Variants in SMG6 observed in about 807,000 individuals in gnomAD.
SMG6 encodes the protein SMG6 nonsense mediated mRNA decay factor.
SMG6 carries 66 observed loss-of-function variants against 142.2 expected under a neutral mutation model. That is an observed-to-expected ratio of 0.46 (90% CI 0.38 to 0.57). The LOEUF is 0.57. Ranked by LOEUF, SMG6 falls within the 20% of genes least tolerant of loss-of-function variation. SMG6 has a pLI of 0.00. For synonymous variants in SMG6, 779 were observed against 702.4 expected, an observed-to-expected ratio of 1.11 and a Z score of -1.72; for missense variants, 1,793 against 1,832.0, an observed-to-expected ratio of 0.98 and a Z score of 0.39.
chr17:2,150,954 T>C (rs986342777), intron 13 of SMG6, among the ~76,000 whole-genome samples: 1 of 151,960 alleles, frequency 6.6e-6, no homozygotes, highest in Non-Finnish European at 1.5e-5. Context: ...ATCTGTTTCC[T>C]ATGGCGTGCT....
chr17:2,240,785 G>A (rs2073781718), intron 9 of SMG6, among the ~76,000 whole-genome samples: 1 of 152,256 alleles, frequency 6.6e-6, no homozygotes, highest in Non-Finnish European at 1.5e-5. Flanking sequence ...GACCATGCCT[G>A]GAAGCGCAGC....
At chr17:2,073,128 T>C (rs1236601741) in intron 15 of SMG6, among the ~76,000 whole-genome samples, 4 of 152,044 alleles carry the variant, frequency 2.6e-5, no homozygotes, top group Non-Finnish European at 5.9e-5. Flanking sequence ...CTGATGCCTA[T>C]GCTGGAGTGT....
chr17:2,110,380 T>G (rs777387124), intron 13 of SMG6, among the ~76,000 whole-genome samples: 2 of 152,196 alleles, frequency 1.3e-5, no homozygotes, highest in Non-Finnish European at 2.9e-5. Context: ...TCTTCAGAGA[T>G]AGTTCTGCAT....
intron 10 of SMG6, among the ~76,000 whole-genome samples, chr17:2,230,635 T>G (rs1326334885): frequency 6.6e-6 from 1 of 152,158 alleles, no homozygotes; most frequent in African/African-American, 2.4e-5. Flanking sequence ...GTGGGTCCCT[T>G]GACATACTCA....
intron 13 of SMG6, chr17:2,127,568 G>T: frequency 1.7e-6 from 1 of 590,018 alleles, no homozygotes. Flanking sequence ...CTATCTCTCT[G>T]GGTGACGGCC....
chr17:2,213,357 C>T (rs1335933796), intron 10 of SMG6, among the ~76,000 whole-genome samples: 4 of 152,202 alleles, frequency 2.6e-5, no homozygotes, highest in Admixed American at 6.5e-5. Context: ...GCAGCAGCTT[C>T]AGAGAAGGGA....
chr17:2,289,550 C>T (rs1363302781), intron 6 of SMG6, among the ~76,000 whole-genome samples: 14 of 152,174 alleles, frequency 9.2e-5, no homozygotes, highest in Admixed American at 7.2e-4. Context: ...GAGTGCGATC[C>T]TATCTCTTAA....
intron 13 of SMG6, among the ~76,000 whole-genome samples, chr17:2,149,092 A>G (rs992338966): frequency 2.0e-5 from 3 of 152,076 alleles, no homozygotes; most frequent in Non-Finnish European, 4.4e-5. Context: ...GGTCACGCCT[A>G]TAATCCCAGC....
chr17:2,153,766 G>A (rs1459079988), intron 13 of SMG6, among the ~76,000 whole-genome samples: 1 of 114,200 alleles, frequency 8.8e-6, no homozygotes, highest in Non-Finnish European at 1.8e-5. Context: ...GTGTGACGGT[G>A]ACTGGGAAAC....
chr17:2,140,151 C>T (rs1463828527), intron 13 of SMG6, among the ~76,000 whole-genome samples: 1 of 152,012 alleles, frequency 6.6e-6, no homozygotes, highest in Non-Finnish European at 1.5e-5. Context: ...CAACCTCCGC[C>T]TCCCAGGCTC....
intron 10 of SMG6, among the ~76,000 whole-genome samples, chr17:2,201,579 C>T (rs986599675): frequency 6.7e-6 from 1 of 150,110 alleles, no homozygotes; most frequent in Non-Finnish European, 1.5e-5. Context: ...GTAATGCCAA[C>T]TACGCAGGAG....
intron 13 of SMG6, chr17:2,088,697 G>T: frequency 2.0e-6 from 2 of 985,448 alleles, no homozygotes; most frequent in Non-Finnish European, 2.4e-6. Flanking sequence ...AAAGTGTACT[G>T]TGGGAGTGAG....
intron 13 of SMG6, among the ~76,000 whole-genome samples, chr17:2,090,744 C>T (rs1006784442): frequency 2.0e-5 from 3 of 152,196 alleles, no homozygotes; most frequent in Admixed American, 6.5e-5. Flanking sequence ...ACACGGGTTT[C>T]CCCCCACAAA....
chr17:2,166,303 C>T (rs1419428254), intron 13 of SMG6, among the ~76,000 whole-genome samples: 4 of 151,986 alleles, frequency 2.6e-5, no homozygotes, highest in African/African-American at 9.7e-5. Context: ...TGTAAGTGAC[C>T]AGCATCAAAT....
At chr17:2,112,097 G>A (rs1055911966) in intron 13 of SMG6, among the ~76,000 whole-genome samples, 6 of 151,932 alleles carry the variant, frequency 3.9e-5, no homozygotes, top group Admixed American at 2.0e-4. Context: ...CTCCCCCTCC[G>A]TACTGGTAGG....
chr17:2,078,210 C>G (rs1170354978), intron 15 of SMG6, among the ~76,000 whole-genome samples: 2 of 151,986 alleles, frequency 1.3e-5, no homozygotes, highest in Admixed American at 6.6e-5. Context: ...CTGCTACACT[C>G]TAAGCAACTA....
chr17:2,135,554 G>A (rs1302881488), intron 13 of SMG6, among the ~76,000 whole-genome samples: 1 of 152,046 alleles, frequency 6.6e-6, no homozygotes, highest in Non-Finnish European at 1.5e-5. Context: ...AGAACCTTAT[G>A]GCAATAATGG....
intron 13 of SMG6, among the ~76,000 whole-genome samples, chr17:2,103,323 C>T (rs1373905481): frequency 6.6e-6 from 1 of 152,138 alleles, no homozygotes; most frequent in Non-Finnish European, 1.5e-5. Flanking sequence ...GTTAAAGATT[C>T]AGAATGCGAA....
At chr17:2,246,455 G>A (rs1227344854) in intron 8 of SMG6, among the ~76,000 whole-genome samples, 1 of 152,256 alleles carries the variant, frequency 6.6e-6, no homozygotes, top group Non-Finnish European at 1.5e-5. Context: ...TCATATGGAA[G>A]CCAAGTGTGG....
Sources: allele counts gnomAD v4.1 joint callset (sites outside exome capture counted in the v4.1 genomes callset), GRCh38; gene constraint gnomAD v4.1.1; transcripts MANE v1.5; gene names NCBI Gene and HGNC (gene_info 2026-07-23, HGNC 2026-07-21).